PPP3CB: variants seen among roughly 807,000 people sequenced by gnomAD.
PPP3CB encodes protein phosphatase 3 catalytic subunit beta.
PPP3CB carries 8 observed loss-of-function variants against 66.4 expected under a neutral mutation model. That is an observed-to-expected ratio of 0.12 (90% CI 0.07 to 0.22). PPP3CB has a LOEUF of 0.22. Among genes scored for constraint, PPP3CB ranks in the 10% least tolerant of loss-of-function variants. The pLI is 1.00. For synonymous variants in PPP3CB, 208 were observed against 221.2 expected, an observed-to-expected ratio of 0.94 and a Z score of 0.53; for missense variants, 319 against 642.5, an observed-to-expected ratio of 0.50 and a Z score of 5.44.
intron 12 of PPP3CB, among the ~76,000 whole-genome samples, chr10:73,441,660 T>C (rs1290864743): frequency 1.3e-5 from 2 of 152,198 alleles, no homozygotes; most frequent in African/African-American, 4.8e-5. Flanking sequence ...TCCTCAGTAC[T>C]ATGCAAGATA....
chr10:73,494,837 G>A (rs2057154404), intron 1 of PPP3CB, among the ~76,000 whole-genome samples: 1 of 152,052 alleles, frequency 6.6e-6, no homozygotes, highest in Non-Finnish European at 1.5e-5. Context: ...TTCATTCTAC[G>A]ATTTCAATTT....
chr10:73,448,705 T>C (rs758022162), intron 10 of PPP3CB: 16 of 532,850 alleles, frequency 3.0e-5, no homozygotes, highest in Non-Finnish European at 5.8e-5. Context: ...AGATGGAGAG[T>C]CCAGAAAAAA....
chr10:73,459,180 G>T (rs565495468), intron 9 of PPP3CB, among the ~76,000 whole-genome samples: 1 of 151,854 alleles, frequency 6.6e-6, no homozygotes, highest in East Asian at 1.9e-4. Flanking sequence ...TCACTCCCAG[G>T]TCTATACTCA....
intron 9 of PPP3CB, among the ~76,000 whole-genome samples, chr10:73,458,648 T>C (rs898585948): frequency 8.6e-5 from 13 of 150,896 alleles, no homozygotes; most frequent in African/African-American, 2.4e-4. Context: ...AAAATATACA[T>C]GTATTTTCTA....
chr10:73,465,272 C>A (rs1012161995), intron 9 of PPP3CB, among the ~76,000 whole-genome samples: 3 of 152,086 alleles, frequency 2.0e-5, no homozygotes, highest in Non-Finnish European at 4.4e-5. Context: ...GGCTGGGGTG[C>A]AGTGGCTATT....
intron 1 of PPP3CB, among the ~76,000 whole-genome samples, chr10:73,484,574 T>C (rs1158347614): frequency 6.6e-6 from 1 of 152,000 alleles, no homozygotes; most frequent in Non-Finnish European, 1.5e-5. Context: ...GCAAGGCCTA[T>C]TTCTACTTTT....
chr10:73,452,813 T>C (rs572882660), intron 10 of PPP3CB, among the ~76,000 whole-genome samples: 56 of 152,110 alleles, frequency 3.7e-4, no homozygotes, highest in African/African-American at 8.7e-4. Context: ...TATTAACAAA[T>C]GTGTAAGAAT....
At chr10:73,488,249 A>C (rs888045071) in intron 1 of PPP3CB, among the ~76,000 whole-genome samples, 3 of 152,156 alleles carry the variant, frequency 2.0e-5, no homozygotes, top group Non-Finnish European at 4.4e-5. Flanking sequence ...AGGAGACATC[A>C]AAAGGCTGAT....
intron 1 of PPP3CB, 125 bp from the exon 2 acceptor site, chr10:73,479,642 G>T: frequency 1.1e-6 from 1 of 876,962 alleles, no homozygotes; most frequent in Non-Finnish European, 1.7e-6. Context: ...TTCATTTATT[G>T]GGTAGAAGTG....
intron 4 of PPP3CB, among the ~76,000 whole-genome samples, chr10:73,474,069 T>A (rs1355179348): frequency 6.6e-6 from 1 of 152,232 alleles, no homozygotes; most frequent in Admixed American, 6.5e-5. Context: ...TGAGACAGAG[T>A]TTCGCTCTTG....
intron 10 of PPP3CB, among the ~76,000 whole-genome samples, chr10:73,448,918 G>A (rs565595134): frequency 6.6e-6 from 1 of 152,296 alleles, no homozygotes; most frequent in African/African-American, 2.4e-5. Flanking sequence ...TTTCTTAAAA[G>A]ACATGTGCAT....
chr10:73,471,267 G>A (rs1388169607), intron 5 of PPP3CB, 58 bp from the exon 6 acceptor site: 3 of 1,505,716 alleles, frequency 2.0e-6, no homozygotes, highest in Non-Finnish European at 2.7e-6. Flanking sequence ...AGGATAAAAT[G>A]TGCATAGGAA....
chr10:73,446,503 G>A lies in PPP3CB; in HGVS notation c.1257C>T (p.Phe419=), dbSNP rs199952499. The A allele has an allele frequency of 2.0e-5, 32 of 1,610,140 alleles. No individual in the cohort carries two copies. The highest frequency in any genetic ancestry group is 2.7e-5 in the Non-Finnish European group (32 of 1,176,586). Reference sequence around the variant, plus strand: ...AAATATATCATTACCTGAGAACAGAGAAGACTCTTGCCATCTTGCCAATTG... The same window carrying A: ...AAATATATCATTACCTGAGAACAGAAAAGACTCTTGCCATCTTGCCAATTG... ...IRAIGKMARV[F]SVLREESESV... The change falls in exon 11 of 14, where the codon TTC becomes TTT. Residue 419 remains phenylalanine, a synonymous_variant. Coordinates refer to ENST00000360663, the MANE Select transcript of PPP3CB (RefSeq NM_021132.4).
intron 1 of PPP3CB, among the ~76,000 whole-genome samples, chr10:73,483,858 C>A (rs553461052): frequency 1.9e-4 from 29 of 151,760 alleles, no homozygotes; most frequent in Middle Eastern, 3.4e-3. Flanking sequence ...AAAACTAATT[C>A]TCTGGCCAGG....
intron 1 of PPP3CB, among the ~76,000 whole-genome samples, chr10:73,482,898 G>T (rs774472192): frequency 1.3e-5 from 2 of 152,112 alleles, no homozygotes; most frequent in Non-Finnish European, 2.9e-5. Context: ...GATTACAAGC[G>T]TCAGCCACTG....
chr10:73,457,043 A>G (rs1229159194), intron 9 of PPP3CB, among the ~76,000 whole-genome samples: 1 of 152,036 alleles, frequency 6.6e-6, no homozygotes, highest in Non-Finnish European at 1.5e-5. Context: ...ATATATTTCA[A>G]TAAAGCTGTT....
At chr10:73,443,015 A>C (rs1231747566) in intron 12 of PPP3CB, among the ~76,000 whole-genome samples, 1 of 151,402 alleles carries the variant, frequency 6.6e-6, no homozygotes, top group African/African-American at 2.4e-5. Context: ...CAATACAAAA[A>C]TATAAAAAAA....
At chr10:73,493,487 A>C (rs2057112043) in intron 1 of PPP3CB, among the ~76,000 whole-genome samples, 1 of 152,236 alleles carries the variant, frequency 6.6e-6, no homozygotes, top group Non-Finnish European at 1.5e-5. Context: ...ATCAGGTATC[A>C]CATTATAGTA....
chr10:73,443,050 A>T (rs2056174961), intron 12 of PPP3CB, among the ~76,000 whole-genome samples: 1 of 151,436 alleles, frequency 6.6e-6, no homozygotes, highest in African/African-American at 2.4e-5. Flanking sequence ...AATAAAAAAA[A>T]TTAGCTGGCT....
Sources: gnomAD v4.1 joint callset for allele counts (sites outside exome capture counted in the v4.1 genomes callset) on GRCh38, gnomAD v4.1.1 for gene constraint, MANE v1.5 for transcripts, NCBI Gene and HGNC (gene_info 2026-07-23, HGNC 2026-07-21) for gene names.